Variants in LSAMP observed in about 807,000 individuals in gnomAD.
LSAMP encodes limbic system associated membrane protein.
In LSAMP, 7 loss-of-function variants were observed where a neutral mutation model predicts 38.6. That is an observed-to-expected ratio of 0.18 (90% CI 0.10 to 0.34). LSAMP has a LOEUF of 0.34. Ranked by LOEUF, LSAMP falls within the 10% of genes least tolerant of loss-of-function variation. LSAMP has a pLI of 1.00. For synonymous variants in LSAMP, 154 were observed against 166.8 expected (o/e 0.92, Z 0.59); for missense variants, 313 against 420.0 (o/e 0.75, Z 2.23).
rs1334736490 is a variant in LSAMP at position 115,804,466 on chromosome 3, C to T, written c.*5851G>A. ...AATTCTCCTGACTCCCAATTCAATA[C>T]ACCTTCTACCTCACTTTAAAGTTGT... is the stretch of plus-strand genomic sequence containing the variant. On this transcript the variant is annotated 3_prime_UTR_variant, in exon 7 of 7. Transcript: ENST00000490035. The T allele has an allele frequency of 2.6e-5, 4 of 152,186 alleles. No individual in the cohort carries two copies. 9.4% of individuals were successfully genotyped at this position (152,186 alleles called of 1,614,324 possible).
chr3:116,311,031 G>A (rs1279246047), intron 1 of LSAMP, among the ~76,000 whole-genome samples: 1 of 151,610 alleles, frequency 6.6e-6, no homozygotes, highest in Non-Finnish European at 1.5e-5. Flanking sequence ...TCAATTTAAC[G>A]GCACATTGAA....
In LSAMP at chr3:116,395,018, T is replaced by C. The variant is rs547812074; in HGVS notation, c.155+49859A>G. 2.9e-4 allele frequency among the ~76,000 whole-genome samples: 44 copies of C among 152,290 alleles called. 1 individual carries two copies. The highest frequency in any genetic ancestry group is 5.2e-4 in the Admixed American group (8 of 15,292). On this transcript the variant is annotated intron_variant, in intron 1 of 6. Coordinates refer to ENST00000490035, the MANE Select transcript of LSAMP (RefSeq NM_002338.5). ...AGGCCATCTCTGTGTTTTGCTCTCA[T>C]TTCTACAGTTGTTTTCCCCTTTGCA...
intron 1 of LSAMP, among the ~76,000 whole-genome samples, chr3:116,324,935 C>T (rs774968769): frequency 2.1e-4 from 32 of 151,788 alleles, no homozygotes; most frequent in Non-Finnish European, 3.8e-4. Context: ...CTTCTATTGC[C>T]GTCCTTCATA....
chr3:116,295,930 C>T (rs944749874), intron 1 of LSAMP, among the ~76,000 whole-genome samples: 2 of 152,112 alleles, frequency 1.3e-5, no homozygotes, highest in Admixed American at 6.5e-5. Context: ...AATTTATGTA[C>T]TTGCTTGTAT....
intron 6 of LSAMP, among the ~76,000 whole-genome samples, chr3:115,815,276 T>C (rs1933980802): frequency 6.6e-6 from 1 of 152,178 alleles, no homozygotes; most frequent in African/African-American, 2.4e-5. Context: ...TACGTATGTA[T>C]ATGAAAAAAT....
intron 3 of LSAMP, among the ~76,000 whole-genome samples, chr3:115,860,851 C>T (rs1453479157): frequency 6.6e-6 from 1 of 152,042 alleles, no homozygotes; most frequent in Non-Finnish European, 1.5e-5. Flanking sequence ...AAGGGTGTGG[C>T]AATCTAGAAG....
rs145328842 is a variant in LSAMP at position 116,444,551 on chromosome 3, T to C, written c.155+326A>G. Among the ~76,000 whole-genome samples, 265 of 152,156 alleles carry C rather than the reference T, an allele frequency of 1.7e-3. 2 individuals are homozygous for C. The highest frequency in any genetic ancestry group is 6.8e-3 in the Middle Eastern group (2 of 294). ...ACAGCAATTACAATAGTGAGAATAC[T>C]GCCCAGAAGTCACTAATGCCATGGG... On this transcript the variant is annotated intron_variant, in intron 1 of 6. Transcript: ENST00000490035.
intron 1 of LSAMP, among the ~76,000 whole-genome samples, chr3:116,231,024 T>A (rs1038521805): frequency 6.6e-6 from 1 of 152,140 alleles, no homozygotes; most frequent in Admixed American, 6.5e-5. Flanking sequence ...GCCAAAAACC[T>A]TCAGCTGGTG....
At chr3:115,975,626 A>G (rs1440716632) in intron 3 of LSAMP, among the ~76,000 whole-genome samples, 2 of 151,854 alleles carry the variant, frequency 1.3e-5, no homozygotes, top group Non-Finnish European at 2.9e-5. Flanking sequence ...CACTCTCCTG[A>G]CTCCTGTACT....
chr3:116,249,953 T>C (rs2046657816), intron 1 of LSAMP, among the ~76,000 whole-genome samples: 1 of 152,210 alleles, frequency 6.6e-6, no homozygotes. Context: ...TTATTTTTCT[T>C]ATGACCTATA....
rs1319575446 is a variant in LSAMP at position 115,804,169 on chromosome 3, A to C, written c.*6148T>G. The C allele has an allele frequency of 1.3e-5, 2 of 152,218 alleles. No homozygotes were observed. The highest frequency in any genetic ancestry group is 2.9e-5 in the Non-Finnish European group (2 of 68,042). The allele number at this position is 152,218 out of a possible 1,614,324, so 9.4% of individuals were successfully genotyped here. On this transcript the variant is annotated 3_prime_UTR_variant, in exon 7 of 7. Coordinates refer to ENST00000490035, the MANE Select transcript of LSAMP (RefSeq NM_002338.5). ...GTATTCTAGCAGTTTTGGGTTTAGA[A>C]ATGAAGACGGTAGAATGATAGTTCT... is the stretch of plus-strand genomic sequence containing the variant.
intron 3 of LSAMP, among the ~76,000 whole-genome samples, chr3:115,864,132 C>T (rs1444464709): frequency 1.3e-5 from 2 of 152,152 alleles, no homozygotes; most frequent in Non-Finnish European, 2.9e-5. Flanking sequence ...TGAGCCTGGC[C>T]AATTGTTAGA....
At chr3:115,854,737 T>C (rs919739745) in intron 3 of LSAMP, among the ~76,000 whole-genome samples, 1 of 152,136 alleles carries the variant, frequency 6.6e-6, no homozygotes, top group African/African-American at 2.4e-5. Flanking sequence ...ATTGTTTCTA[T>C]GCACTAAGTG....
At chr3:115,924,398 C>T (rs1376801064) in intron 3 of LSAMP, among the ~76,000 whole-genome samples, 1 of 152,192 alleles carries the variant, frequency 6.6e-6, no homozygotes, top group East Asian at 1.9e-4. Context: ...TTTACAATTG[C>T]CAATGGACTT....
intron 2 of LSAMP, among the ~76,000 whole-genome samples, chr3:116,084,471 A>AAAC (rs560098790): frequency 2.7e-5 from 4 of 145,748 alleles, no homozygotes; most frequent in Admixed American, 6.9e-5. Flanking sequence ...AAAAAAAAAA[A>AAAC]CCAAAAAAAA....
At chr3:115,954,240 G>C (rs1044717212) in intron 3 of LSAMP, among the ~76,000 whole-genome samples, 1 of 152,020 alleles carries the variant, frequency 6.6e-6, no homozygotes, top group Admixed American at 6.6e-5. Context: ...GGGCTTCTAC[G>C]GACAGCCAGC....
At chr3:116,207,395 T>C (rs2046085408) in intron 1 of LSAMP, among the ~76,000 whole-genome samples, 1 of 151,818 alleles carries the variant, frequency 6.6e-6, no homozygotes, top group Non-Finnish European at 1.5e-5. Context: ...GAGCATTTAG[T>C]CCATTTACAT....
intron 1 of LSAMP, among the ~76,000 whole-genome samples, chr3:116,400,298 C>T (rs1022633749): frequency 3.3e-5 from 5 of 152,066 alleles, no homozygotes; most frequent in Non-Finnish European, 7.4e-5. Context: ...ATGTGCCTTC[C>T]ATGGCTGGCT....
At position 116,057,957 on chromosome 3, in the gene LSAMP, C is replaced by CCACA. The variant is rs61123270; in HGVS notation, c.388+28363_388+28366dup. The stretch of plus-strand genomic sequence containing the variant: ...TACACACACACACACACACACACAC[C>CCACA]CACACACACACACACACACACACAG... On this transcript the variant is annotated intron_variant, in intron 2 of 6. Transcript: ENST00000490035. 3.1e-3 allele frequency among the ~76,000 whole-genome samples: 367 copies of CCACA among 117,560 alleles called. 2 individuals carry two copies. The highest frequency in any genetic ancestry group is 9.3e-3 in the African/African-American group (338 of 36,196). The allele number at this position is 117,560 out of a possible 152,430, so 77.1% of individuals were successfully genotyped here. A position where few individuals can be genotyped will look rare whatever the true frequency, so the allele number is the denominator to read the frequency against.
Sources: gnomAD v4.1 joint callset for allele counts (sites outside exome capture counted in the v4.1 genomes callset) on GRCh38, gnomAD v4.1.1 for gene constraint, MANE v1.5 for transcripts, NCBI Gene and HGNC (gene_info 2026-07-23, HGNC 2026-07-21) for gene names.